The following FXR1 variants were observed in gnomAD, a reference collection of about 807,000 sequenced individuals.
The protein encoded by FXR1 is FMR1 autosomal homolog 1.
Under a neutral mutation model 84.0 loss-of-function variants are expected in FXR1, and 15 were observed. The observed-to-expected ratio is 0.18, with a 90% CI of 0.12 to 0.27. The LOEUF is 0.27. Among genes scored for constraint, FXR1 ranks in the 10% least tolerant of loss-of-function variants. FXR1 has a pLI of 1.00. For missense variants in FXR1, 480 were observed against 774.4 expected (o/e 0.62, Z 4.51); for synonymous variants, 245 against 250.7 (o/e 0.98, Z 0.21).
At chr3:180,930,683 A>G (rs1719779665) in intron 1 of FXR1, among the ~76,000 whole-genome samples, 1 of 152,194 alleles carries the variant, frequency 6.6e-6, no homozygotes. Context: ...TGGCAAGGGT[A>G]TAATACAGTT....
intron 3 of FXR1, among the ~76,000 whole-genome samples, chr3:180,946,890 C>G (rs1396859210): frequency 6.6e-6 from 1 of 152,168 alleles, no homozygotes; most frequent in African/African-American, 2.4e-5. Flanking sequence ...CTCAGCCCCC[C>G]TTTTCTACCT....
chr3:180,921,095 C>T (rs1226778258), intron 1 of FXR1, among the ~76,000 whole-genome samples: 4 of 151,830 alleles, frequency 2.6e-5, no homozygotes, highest in African/African-American at 4.8e-5. Context: ...ATTGGCTGGG[C>T]GTGCTGGCTC....
At chr3:180,939,507 G>A (rs1333532120) in intron 3 of FXR1, among the ~76,000 whole-genome samples, 1 of 152,190 alleles carries the variant, frequency 6.6e-6, no homozygotes, top group Admixed American at 6.5e-5. Flanking sequence ...AGGTCGGGGT[G>A]AGGGAAGGGG....
At chr3:180,918,310 T>A (rs1183675855) in intron 1 of FXR1, among the ~76,000 whole-genome samples, 2 of 152,118 alleles carry the variant, frequency 1.3e-5, no homozygotes, top group Admixed American at 6.5e-5. Context: ...TTTTAATTTT[T>A]ATTTTTTAGT....
chr3:180,954,987 AT>A (rs35677270), intron 9 of FXR1, among the ~76,000 whole-genome samples: 454 of 132,682 alleles, frequency 3.4e-3, no homozygotes, highest in Non-Finnish European at 5.2e-3. Flanking sequence ...GTAAAAATAA[AT>A]TTTTTTTTTT....
intron 3 of FXR1, among the ~76,000 whole-genome samples, chr3:180,945,271 A>G (rs906211175): frequency 3.3e-5 from 5 of 152,326 alleles, no homozygotes; most frequent in East Asian, 1.9e-4. Context: ...TGACTAATCT[A>G]TTGAATATTT....
chr3:180,966,606 T>C (rs151127692), intron 13 of FXR1, among the ~76,000 whole-genome samples: 11 of 152,330 alleles, frequency 7.2e-5, no homozygotes, highest in Admixed American at 2.0e-4. Flanking sequence ...AAAATTGTTA[T>C]ACACTCTGCC....
rs769906729 is a variant in FXR1, at chr3:180,971,068, A to G, written c.1603+710A>G. ...AGAATAGTTCATGGTAAACTTTGCA[A>G]TTACAGATGATAGTGAAAAAAAACC... On this transcript the variant is annotated intron_variant, in intron 15 of 16. Coordinates refer to ENST00000357559, the MANE Select transcript of FXR1 (RefSeq NM_005087.4). 28 of 1,188,152 alleles carry G rather than the reference A, an allele frequency of 2.4e-5. No individual in the cohort carries two copies. The African/African-American group carries it at 3.7e-4, about 16-fold the overall frequency. The allele number at this position is 1,188,152 out of a possible 1,614,324, so 73.6% of individuals were successfully genotyped here. A position where few individuals can be genotyped will look rare whatever the true frequency, so the allele number is the denominator to read the frequency against.
chr3:180,935,567 T>TAG (rs1720426486), intron 3 of FXR1, among the ~76,000 whole-genome samples: 1 of 152,252 alleles, frequency 6.6e-6, no homozygotes, highest in African/African-American at 2.4e-5. Context: ...TTTAAATAAT[T>TAG]TGTCTTAACG....
chr3:180,928,211 A>AT (rs1719458525), intron 1 of FXR1, among the ~76,000 whole-genome samples: 1 of 151,548 alleles, frequency 6.6e-6, no homozygotes, highest in South Asian at 2.1e-4. Context: ...AAAAGAGTCC[A>AT]TTCCTTCCCC....
chr3:180,952,852 GAGAC>G (rs1722371983), intron 8 of FXR1, among the ~76,000 whole-genome samples: 1 of 119,272 alleles, frequency 8.4e-6, no homozygotes, highest in Non-Finnish European at 1.7e-5. Context: ...TTTTTTTAAA[GAGAC>G]AGGGTCTACT....
chr3:180,963,205 G>A (rs1245167826), intron 13 of FXR1, 115 bp downstream of exon 13: 1 of 602,014 alleles, frequency 1.7e-6, no homozygotes, highest in East Asian at 2.8e-5. Flanking sequence ...GGCTTTGAGG[G>A]TAGAAGGTAG....
chr3:180,929,242 CTGTT>C (rs1335223397), intron 1 of FXR1, among the ~76,000 whole-genome samples: 8 of 152,050 alleles, frequency 5.3e-5, no homozygotes, highest in Non-Finnish European at 7.4e-5. Flanking sequence ...TACATGATGC[CTGTT>C]TGTTTTGTCA....
At chr3:180,921,372 T>TAAAAAAA (rs71182558) in intron 1 of FXR1, among the ~76,000 whole-genome samples, 1 of 131,070 alleles carries the variant, frequency 7.6e-6, no homozygotes, top group Non-Finnish European at 1.6e-5. Flanking sequence ...AAACTCCATC[T>TAAAAAAA]AAAAAAAAAA....
At position 180,976,354 on chromosome 3, in the gene FXR1, C is replaced by T; in HGVS notation, c.*62C>T. The stretch of plus-strand genomic sequence containing the variant: ...ACATTTACAATAGTGCTTGTACAAG[C>T]TTGCCAAAGATAGAATATGGATCGC... On this transcript the variant is annotated 3_prime_UTR_variant, in exon 17 of 17. Coordinates refer to ENST00000357559, the MANE Select transcript of FXR1 (RefSeq NM_005087.4). 8.8e-7 allele frequency: 1 copy of T among 1,139,356 alleles called. No homozygotes were observed. Among genetic ancestry groups the T allele is most frequent in the East Asian group, 2.5e-5 (1 of 39,602 alleles). The allele number at this position is 1,139,356 out of a possible 1,614,324, so 70.6% of individuals were successfully genotyped here.
intron 1 of FXR1, among the ~76,000 whole-genome samples, chr3:180,926,444 G>A (rs1719187074): frequency 1.4e-5 from 2 of 147,334 alleles, no homozygotes; most frequent in South Asian, 2.1e-4. Flanking sequence ...TAAGCCAAGG[G>A]TAGTTCCTAA....
intron 1 of FXR1, among the ~76,000 whole-genome samples, chr3:180,925,119 T>A (rs992868219): frequency 6.6e-6 from 1 of 152,066 alleles, no homozygotes; most frequent in Non-Finnish European, 1.5e-5. Context: ...ATCCCAGCAC[T>A]TTGGGGGCTG....
intron 10 of FXR1, among the ~76,000 whole-genome samples, chr3:180,958,302 G>A (rs1030183063): frequency 6.6e-6 from 1 of 151,994 alleles, no homozygotes; most frequent in Non-Finnish European, 1.5e-5. Context: ...AGCTGCTTCA[G>A]TGGTGATTTC....
At chr3:180,928,195 AT>A (rs1719457232) in intron 1 of FXR1, among the ~76,000 whole-genome samples, 1 of 151,456 alleles carries the variant, frequency 6.6e-6, no homozygotes, top group Non-Finnish European at 1.5e-5. Flanking sequence ...TTCCAATACC[AT>A]TTTAAAAAGA....
Sources: allele counts gnomAD v4.1 joint callset (sites outside exome capture counted in the v4.1 genomes callset), GRCh38; gene constraint gnomAD v4.1.1; transcripts MANE v1.5; gene names NCBI Gene and HGNC (gene_info 2026-07-23, HGNC 2026-07-21).